SLC4A7: variants seen among roughly 807,000 people sequenced by gnomAD.
SLC4A7 encodes solute carrier family 4 member 7.
Under a neutral mutation model 137.6 loss-of-function variants are expected in SLC4A7, and 51 were observed. The ratio of observed to expected loss-of-function variants is 0.37; its 90% CI spans 0.30 to 0.47. The LOEUF is 0.47. Among genes scored for constraint, SLC4A7 ranks in the 20% least tolerant of loss-of-function variants. The pLI is 1.00. For synonymous variants in SLC4A7, 542 were observed against 518.6 expected (o/e 1.05, Z -0.61); for missense variants, 1,247 against 1,525.4 (o/e 0.82, Z 3.04).
At chr3:27,467,137 T>C (rs1417798586) in intron 1 of SLC4A7, among the ~76,000 whole-genome samples, 1 of 152,186 alleles carries the variant, frequency 6.6e-6, no homozygotes, top group Non-Finnish European at 1.5e-5. Context: ...GGATAAGATA[T>C]AATTTAAAAT....
intron 23 of SLC4A7, among the ~76,000 whole-genome samples, chr3:27,383,841 C>G (rs976672191): frequency 6.6e-6 from 1 of 152,124 alleles, no homozygotes; most frequent in Non-Finnish European, 1.5e-5. Flanking sequence ...TTGTTTAATT[C>G]CCTCCAGCCC....
chr3:27,441,158 A>G (rs912890106), intron 3 of SLC4A7, among the ~76,000 whole-genome samples: 2 of 152,218 alleles, frequency 1.3e-5, no homozygotes, highest in Non-Finnish European at 2.9e-5. Context: ...CTTGCAGGCT[A>G]TCACTCAGCC....
chr3:27,406,048 T>C (rs2053312457), intron 13 of SLC4A7, among the ~76,000 whole-genome samples: 1 of 152,132 alleles, frequency 6.6e-6, no homozygotes, highest in African/African-American at 2.4e-5. Flanking sequence ...GCCCATTAAT[T>C]GGTAAAGGGA....
At position 27,409,336 on chromosome 3, in the gene SLC4A7, C is replaced by G; in HGVS notation, c.1941+20G>C. 5 of 1,573,594 alleles carry G rather than the reference C, an allele frequency of 3.2e-6. No homozygotes were observed. The highest frequency in any genetic ancestry group is 4.3e-6 in the Non-Finnish European group (5 of 1,164,300). Reference sequence around the variant, plus strand: ...CTCTGAAGAGCTAAAAGCCTGGCCACTACCAATCTTTGTACTCACTATTCT... The same window carrying G: ...CTCTGAAGAGCTAAAAGCCTGGCCAGTACCAATCTTTGTACTCACTATTCT... On this transcript the variant is annotated intron_variant, in intron 13 of 25. Coordinates refer to ENST00000454389, the MANE Select transcript of SLC4A7 (RefSeq NM_001321103.2).
intron 1 of SLC4A7, among the ~76,000 whole-genome samples, chr3:27,476,354 G>A (rs1181889984): frequency 6.6e-6 from 1 of 152,084 alleles, no homozygotes; most frequent in Non-Finnish European, 1.5e-5. Context: ...AGGAACCAAG[G>A]CAAGAAATAT....
chr3:27,388,280 T>A (rs2051175445), intron 22 of SLC4A7, among the ~76,000 whole-genome samples: 1 of 152,204 alleles, frequency 6.6e-6, no homozygotes, highest in South Asian at 2.1e-4. Context: ...TAGTTTAAGG[T>A]TTCTGCATTT....
chr3:27,403,009 C>T, intron 15 of SLC4A7, 130 bp downstream of exon 15: 1 of 749,056 alleles, frequency 1.3e-6, no homozygotes, highest in Non-Finnish European at 2.1e-6. Flanking sequence ...ACAACCATGT[C>T]ACTATCACAT....
At chr3:27,480,587 C>G (rs1576703353) in intron 1 of SLC4A7, among the ~76,000 whole-genome samples, 1 of 151,946 alleles carries the variant, frequency 6.6e-6, no homozygotes, top group Non-Finnish European at 1.5e-5. Context: ...GGATTGCGGC[C>G]CAGAGATACT....
intron 23 of SLC4A7, among the ~76,000 whole-genome samples, chr3:27,384,863 G>C (rs960442086): frequency 6.6e-6 from 1 of 151,822 alleles, no homozygotes; most frequent in Non-Finnish European, 1.5e-5. Context: ...GCTTGGACCC[G>C]GGAGGTTGAG....
rs1420775166 is a variant in SLC4A7, at chr3:27,374,364, C to T, written c.*2400G>A. On this transcript the variant is annotated 3_prime_UTR_variant, in exon 26 of 26. Coordinates refer to ENST00000454389, the MANE Select transcript of SLC4A7 (RefSeq NM_001321103.2). ...CTTGAGGTAAATCAGTACATAGCAA[C>T]TACTACTGCTTACATACACTTATTT... The T allele has an allele frequency of 6.6e-6, 1 of 152,500 alleles. No homozygotes were observed. Among genetic ancestry groups the T allele is most frequent in the Non-Finnish European group, 1.5e-5 (1 of 67,940 alleles). 9.4% of individuals were successfully genotyped at this position (152,500 alleles called of 1,614,324 possible). A position where few individuals can be genotyped will look rare whatever the true frequency, so the allele number is the denominator to read the frequency against.
intron 7 of SLC4A7, among the ~76,000 whole-genome samples, chr3:27,426,793 T>C (rs2055673565): frequency 6.6e-6 from 1 of 152,182 alleles, no homozygotes; most frequent in South Asian, 2.1e-4. Context: ...TGTGTAGTCT[T>C]TCCCAACCTC....
intron 11 of SLC4A7, 30 bp from the exon 12 acceptor site, chr3:27,411,778 A>G: frequency 7.6e-7 from 1 of 1,310,952 alleles, no homozygotes; most frequent in Non-Finnish European, 1.0e-6. Context: ...TTATTTTCAG[A>G]ATTCTATTTT....
At chr3:27,448,844 A>G in intron 2 of SLC4A7, 47 bp from the exon 3 acceptor site, 1 of 1,446,626 alleles carries the variant, frequency 6.9e-7, no homozygotes. Context: ...AAAAGAGAAA[A>G]AAGTGATATA....
chr3:27,392,835 A>T (rs2051715483), intron 20 of SLC4A7, among the ~76,000 whole-genome samples: 1 of 152,162 alleles, frequency 6.6e-6, no homozygotes, highest in Non-Finnish European at 1.5e-5. Flanking sequence ...CAAAAGAAAA[A>T]AGAAAAAAAA....
At chr3:27,406,191 T>C (rs945869564) in intron 13 of SLC4A7, among the ~76,000 whole-genome samples, 1 of 152,222 alleles carries the variant, frequency 6.6e-6, no homozygotes, top group African/African-American at 2.4e-5. Context: ...GCCATGGCCA[T>C]ATCTTAACCT....
At chr3:27,421,495 A>G in intron 9 of SLC4A7, 127 bp downstream of exon 9, 4 of 824,582 alleles carry the variant, frequency 4.9e-6, no homozygotes, top group Non-Finnish European at 7.3e-6. Context: ...GATTGTCTCA[A>G]AAATAAGATA....
At chr3:27,424,271 A>C (rs571661763) in intron 7 of SLC4A7, 119 bp from the exon 8 acceptor site, 3 of 532,358 alleles carry the variant, frequency 5.6e-6, no homozygotes, top group Middle Eastern at 2.7e-4. Context: ...GCAAGGTTAA[A>C]AAAAATAAGT....
At chr3:27,417,291 G>A (rs2054486512) in intron 11 of SLC4A7, among the ~76,000 whole-genome samples, 1 of 152,014 alleles carries the variant, frequency 6.6e-6, no homozygotes, top group African/African-American at 2.4e-5. Flanking sequence ...AGATGAAGCT[G>A]GGTCCATACT....
intron 1 of SLC4A7, among the ~76,000 whole-genome samples, chr3:27,453,098 A>T (rs2371065): frequency 2.0e-4 from 30 of 152,234 alleles, no homozygotes; most frequent in African/African-American, 7.0e-4. Flanking sequence ...TCCCACCTTC[A>T]TAATTTTGTT....
Sources: gnomAD v4.1 joint callset for allele counts (sites outside exome capture counted in the v4.1 genomes callset) on GRCh38, gnomAD v4.1.1 for gene constraint, MANE v1.5 for transcripts, NCBI Gene and HGNC (gene_info 2026-07-23, HGNC 2026-07-21) for gene names.